The following SLC39A6 variants were observed in gnomAD, a reference collection of about 807,000 sequenced individuals.
The protein encoded by SLC39A6 is solute carrier family 39 member 6, also known as zinc transporter ZIP6.
In SLC39A6, 51 loss-of-function variants were observed where a neutral mutation model predicts 63.5. The ratio of observed to expected loss-of-function variants is 0.80; its 90% CI spans 0.64 to 1.01. The LOEUF is 1.01. Ranked by LOEUF, SLC39A6 falls within the 50% of genes least tolerant of loss-of-function variation. SLC39A6 has a pLI of 0.00. For synonymous variants in SLC39A6, 318 were observed against 324.7 expected, an observed-to-expected ratio of 0.98 and a Z score of 0.22; for missense variants, 805 against 927.8, an observed-to-expected ratio of 0.87 and a Z score of 1.72.
chr18:36,122,268 A>C lies in SLC39A6; in HGVS notation c.1143T>G (p.Ser381=). ...TATGACTATGGTGGTGACTTGCATGAGACTGAAGGCAAAATAATTTGTTAT... is the reference window on the plus strand; with the variant it reads ...TATGACTATGGTGGTGACTTGCATGCGACTGAAGGCAAAATAATTTGTTAT... ...GDAFLHLLPH[S]HASHHHSHSH... The change falls in exon 5 of 10, where the codon TCT becomes TCG. Residue 381 remains serine (S), a splice_region_variant and synonymous_variant. Transcript: ENST00000269187. 1 of 1,601,482 alleles carries C rather than the reference A, an allele frequency of 6.2e-7. No individual in the cohort carries two copies. Among genetic ancestry groups the C allele is most frequent in the Non-Finnish European group, 8.5e-7 (1 of 1,172,916 alleles).
intron 1 of SLC39A6, among the ~76,000 whole-genome samples, chr18:36,127,778 G>GTTTT (rs34708394): frequency 3.1e-5 from 4 of 130,218 alleles, no homozygotes; most frequent in East Asian, 2.3e-4. Flanking sequence ...TTTTTTTAAA[G>GTTTT]TTTTTTTTTT....
In SLC39A6 at chr18:36,126,976, A is replaced by C. The variant is rs1261482771; in HGVS notation, c.32T>G (p.Leu11Arg). 3.1e-6 allele frequency: 5 copies of C among 1,613,468 alleles called. No homozygotes were observed. The highest frequency in any genetic ancestry group is 1.3e-5 in the African/African-American group (1 of 74,912). MARKLSVILI[L>R]TFALSVTNPL... ...ATTTGTGACAGAGAGGGCAAAGGTC[A>C]GGATCAAGATTACAGATAACTTCCT... is the stretch of plus-strand genomic sequence containing the variant. The change falls in exon 2 of 10, where the codon CTG (leucine) becomes CGG (arginine). Residue 11 changes from leucine (L) to arginine (R), a missense_variant. Transcript: ENST00000269187.
chr18:36,117,797 C>T (rs1322640028), intron 5 of SLC39A6, among the ~76,000 whole-genome samples: 2 of 152,036 alleles, frequency 1.3e-5, no homozygotes, highest in African/African-American at 4.8e-5. Flanking sequence ...TTTGGGAGGC[C>T]GAGGTGGGCG....
chr18:36,124,637 T>C lies in SLC39A6; in HGVS notation c.853A>G (p.Thr285Ala), dbSNP rs757444099. The change falls in exon 3 of 10, where the codon ACA becomes GCA. Residue 285 changes from threonine (T) to alanine (A), a missense_variant. Physicochemically the swap from Thr to Ala is moderately conservative, Grantham distance 58. This residue lies in a region of SLC39A6 where 639 missense variants were observed against 644.0 expected (regional missense o/e 0.99). Coordinates refer to ENST00000269187, the MANE Select transcript of SLC39A6 (RefSeq NM_012319.4). ...GMGIQVPLNATEFNYLCPAII... is the reference protein window; with the variant it reads ...GMGIQVPLNAAEFNYLCPAII... ...GCTGGACAGAGATAGTTGAACTCTG[T>C]TGCATTCAGCGGAACCTGGATGCCC... is the stretch of plus-strand genomic sequence containing the variant. 1.3e-6 allele frequency: 2 copies of C among 1,590,278 alleles called. No homozygotes were observed. The highest frequency in any genetic ancestry group is 1.3e-5 in the African/African-American group (1 of 74,620).
intron 4 of SLC39A6, 55 bp downstream of exon 4, chr18:36,123,440 T>C (rs915881138): frequency 7.3e-7 from 1 of 1,377,534 alleles, no homozygotes; most frequent in African/African-American, 1.5e-5. Flanking sequence ...AACCAAAACA[T>C]TTTTTTTTCA....
In SLC39A6 at chr18:36,123,485, C is replaced by T. The variant is rs1243965974; in HGVS notation, c.1140+10G>A. ...AATCAAACACTAACAGGACAAATTA[C>T]TATACTTACATGTGGAAGAAGGTGT... is the stretch of plus-strand genomic sequence containing the variant. On this transcript the variant is annotated intron_variant, in intron 4 of 9. Transcript: ENST00000269187. The T allele has an allele frequency of 6.3e-7, 1 of 1,592,146 alleles. No homozygotes were observed. Among genetic ancestry groups the T allele is most frequent in the Middle Eastern group, 1.7e-4 (1 of 6,008 alleles).
At chr18:36,123,206 C>T (rs750872463) in intron 4 of SLC39A6, among the ~76,000 whole-genome samples, 28 of 152,198 alleles carry the variant, frequency 1.8e-4, no homozygotes, top group Non-Finnish European at 2.6e-4. Flanking sequence ...AGATAACTCA[C>T]ATTGCTGCAG....
rs377165163 is a variant in SLC39A6 at position 36,126,277 on chromosome 18, A to G, written c.731T>C (p.Val244Ala). ...CATAAAGCCTTTTCGGGGCTCACTC[A>G]CAGATTCATTTGTTTTCCTACCAGC... ...RLAGRKTNES[V>A]SEPRKGFMYS... Residue 244 changes from valine (V) to alanine (A), a missense_variant, in exon 2 of 10, where the codon GTG (valine) becomes GCG (alanine). This residue lies in a region of SLC39A6 where 639 missense variants were observed against 644.0 expected (regional missense o/e 0.99). Coordinates refer to ENST00000269187, the MANE Select transcript of SLC39A6 (RefSeq NM_012319.4). The G allele has an allele frequency of 1.8e-4, 290 of 1,614,070 alleles. No individual in the cohort carries two copies. Among genetic ancestry groups the G allele is most frequent in the Admixed American group, 2.5e-4 (15 of 60,004 alleles).
intron 7 of SLC39A6, 64 bp downstream of exon 7, chr18:36,114,033 G>T (rs2089322900): frequency 1.3e-6 from 2 of 1,508,566 alleles, no homozygotes; most frequent in South Asian, 1.3e-5. Context: ...GTTAAAATTT[G>T]ACTAGGTGTT....
At chr18:36,123,366 T>C (rs930760957) in intron 4 of SLC39A6, 129 bp downstream of exon 4, 18 of 819,972 alleles carry the variant, frequency 2.2e-5, no homozygotes, top group Admixed American at 2.0e-4. Context: ...ACTTACCAAA[T>C]ATATTTTAAA....
At chr18:36,119,751 T>C (rs1328682824) in intron 5 of SLC39A6, among the ~76,000 whole-genome samples, 1 of 152,092 alleles carries the variant, frequency 6.6e-6, no homozygotes, top group East Asian at 1.9e-4. Flanking sequence ...CATGGTGGCA[T>C]GAGCCTGTAG....
chr18:36,113,099 AT>A (rs200158363), intron 7 of SLC39A6, among the ~76,000 whole-genome samples: 27 of 126,798 alleles, frequency 2.1e-4, no homozygotes, highest in Non-Finnish European at 2.5e-4. Context: ...GTGCATATAT[AT>A]TTTTTTTTTT....
Position 36,126,784 on chromosome 18 carries a change from A to C in SLC39A6, c.224T>G (p.Phe75Cys). The part of the protein sequence containing the change: ...GENNSLSVEG[F>C]RKLLQNIGID... The stretch of plus-strand genomic sequence containing the variant: ...GCCTATATTTTGAAGTAATTTTCTG[A>C]ACCCTTCAACTGACAAAGAATTATT... Residue 75 changes from phenylalanine to cysteine, a missense_variant, in exon 2 of 10, where the codon TTC becomes TGC. By Grantham distance (205) the Phe-to-Cys change is radical (BLOSUM62 -2). Around this residue, in one of 4 missense-constraint regions of SLC39A6, gnomAD observed 639 missense variants for 644.0 expected, o/e 0.99. Transcript: ENST00000269187. The C allele has an allele frequency of 6.8e-6, 11 of 1,614,202 alleles. No homozygotes were observed. The highest frequency in any genetic ancestry group is 9.3e-6 in the Non-Finnish European group (11 of 1,180,038).
chr18:36,115,204 G>A (rs1232805522), intron 6 of SLC39A6, among the ~76,000 whole-genome samples: 1 of 152,150 alleles, frequency 6.6e-6, no homozygotes, highest in Non-Finnish European at 1.5e-5. Flanking sequence ...CACTTTGGGA[G>A]GCAGAGGTGG....
chr18:36,111,315 A>T, intron 8 of SLC39A6, 66 bp from the exon 9 acceptor site: 1 of 1,489,828 alleles, frequency 6.7e-7, no homozygotes, highest in South Asian at 1.3e-5. Context: ...ACATACCAAG[A>T]TACTTCCCAG....
At chr18:36,119,544 GTAATATA>G (rs1362548740) in intron 5 of SLC39A6, among the ~76,000 whole-genome samples, 1 of 152,046 alleles carries the variant, frequency 6.6e-6, no homozygotes, top group Non-Finnish European at 1.5e-5. Flanking sequence ...ATGTAAAATA[GTAATATA>G]TAATATTATT....
intron 6 of SLC39A6, among the ~76,000 whole-genome samples, chr18:36,115,949 C>T (rs1282832889): frequency 6.6e-6 from 1 of 152,130 alleles, no homozygotes; most frequent in Non-Finnish European, 1.5e-5. Context: ...GGTGGCACAC[C>T]ATGTGACAGA....
rs2089281449 is a variant in SLC39A6 at position 36,109,109 on chromosome 18, G to T, written c.*484C>A. On this transcript the variant is annotated 3_prime_UTR_variant, in exon 10 of 10. Coordinates refer to ENST00000269187, the MANE Select transcript of SLC39A6 (RefSeq NM_012319.4). ...TCCCCTCTAATTTACAACAAATTTT[G>T]TGATTTTTATAAGAATCTATGCCTC... is the stretch of plus-strand genomic sequence containing the variant. 6.6e-6 allele frequency: 1 copy of T among 152,034 alleles called. No homozygotes were observed. The allele number at this position is 152,034 out of a possible 1,614,324, so 9.4% of individuals were successfully genotyped here. A position where few individuals can be genotyped will look rare whatever the true frequency, so the allele number is the denominator to read the frequency against.
In SLC39A6 at chr18:36,126,605, C is replaced by A. The variant is rs1255080208; in HGVS notation, c.403G>T (p.Ala135Ser). The A allele has an allele frequency of 6.2e-7, 1 of 1,613,954 alleles. No individual in the cohort carries two copies. The highest frequency in any genetic ancestry group is 2.2e-5 in the East Asian group (1 of 44,878). Reference protein sequence around the residue: ...DHDHHSHHNHAASGKNKRKAL... With the variant: ...DHDHHSHHNHSASGKNKRKAL... ...TTTCGCTTATTTTTACCAGAAGCAGCATGATTATGGTGAGAGTGATGATCA... is the reference window on the plus strand; with the variant it reads ...TTTCGCTTATTTTTACCAGAAGCAGAATGATTATGGTGAGAGTGATGATCA... Residue 135 changes from alanine (A) to serine (S), a missense_variant, in exon 2 of 10, where the codon GCT (alanine) becomes TCT (serine). Coordinates refer to ENST00000269187, the MANE Select transcript of SLC39A6 (RefSeq NM_012319.4).
Sources: allele counts gnomAD v4.1 joint callset (sites outside exome capture counted in the v4.1 genomes callset), GRCh38; gene constraint gnomAD v4.1.1; regional missense constraint gnomAD v4.1.1; transcripts MANE v1.5; gene names NCBI Gene and HGNC (gene_info 2026-07-23, HGNC 2026-07-21).